ARL17B: variants seen among roughly 807,000 people sequenced by gnomAD.
ARL17B encodes ARF like GTPase 17B, also known as ADP-ribosylation factor-like protein 17.
intron 4 of ARL17B, among the ~76,000 whole-genome samples, chr17:46,288,288 T>G (rs542397741): frequency 6.7e-6 from 1 of 148,722 alleles, no homozygotes; most frequent in South Asian, 2.1e-4. Context: ...ACTACAGATG[T>G]GCACCACCAG....
At chr17:46,350,861 GA>G (rs1158051603) in intron 3 of ARL17B, among the ~76,000 whole-genome samples, 3 of 46,172 alleles carry the variant, frequency 6.5e-5, no homozygotes, top group East Asian at 3.1e-4. Context: ...AAAAAAAAAG[GA>G]AAAAAAAAGG....
intron 4 of ARL17B, among the ~76,000 whole-genome samples, chr17:46,281,538 TC>T: frequency 6.6e-6 from 1 of 152,338 alleles, no homozygotes. Context: ...CAAGTGATCT[TC>T]CTGTCATAGC....
chr17:46,297,771 CTG>C, downstream of ARL17B: 2 of 357,490 alleles, frequency 5.6e-6, no homozygotes, highest in Non-Finnish European at 8.9e-6. Context: ...CAATTGTCCT[CTG>C]TGTCCTGCCT....
downstream of ARL17B, among the ~76,000 whole-genome samples, chr17:46,332,878 G>A (rs1220798384): frequency 1.3e-5 from 2 of 151,188 alleles, no homozygotes; most frequent in African/African-American, 2.5e-5. Context: ...TTGAAACCAA[G>A]TGAATCCCAC....
Position 46,324,677 on chromosome 17 carries a change from GAT to G in ARL17B, c.260-25014_260-25013del, listed in dbSNP as rs1165300479. ...TTTGCAGGATATATATATAGATATA[GAT>G]ATATATATAAATCAGCCAGGTGTGG... On this transcript the variant is annotated intron_variant, in intron 3 of 4. Transcript: ENST00000434041. Among the ~76,000 whole-genome samples, 20 of 6,400 alleles carry G rather than the reference GAT, an allele frequency of 3.1e-3. 4 individuals are homozygous for G. Among genetic ancestry groups the G allele is most frequent in the East Asian group, 0.33 (2 of 6 alleles). The allele number at this position is 6,400 out of a possible 152,430, so 4.2% of individuals were successfully genotyped here.
At chr17:46,287,498 C>G (rs2696495) in intron 4 of ARL17B, among the ~76,000 whole-genome samples, 1 of 152,010 alleles carries the variant, frequency 6.6e-6, no homozygotes, top group Non-Finnish European at 1.5e-5. Context: ...AGAAGATAAA[C>G]GGTCAAAATA....
At chr17:46,286,824 G>C (rs1384685629) in intron 4 of ARL17B, among the ~76,000 whole-genome samples, 1 of 152,260 alleles carries the variant, frequency 6.6e-6, no homozygotes, top group Admixed American at 6.5e-5. Flanking sequence ...TGCAGATACA[G>C]TACAATTCCT....
At chr17:46,275,520 T>G (rs1183280747) in intron 4 of ARL17B, 23 of 582,878 alleles carry the variant, frequency 3.9e-5, no homozygotes, top group Non-Finnish European at 6.5e-5. Flanking sequence ...AGCAGCCATG[T>G]TCTTTCATTC....
At chr17:46,275,326 A>T in exon 5 of ARL17B, 1 of 841,248 alleles carries the variant, frequency 1.2e-6, no homozygotes, top group Admixed American at 2.5e-5. Context: ...TTAATTTAAA[A>T]TAGTTCAGGC....
intron 4 of ARL17B, among the ~76,000 whole-genome samples, chr17:46,286,860 A>G (rs2049934436): frequency 6.6e-6 from 1 of 152,244 alleles, no homozygotes; most frequent in African/African-American, 2.4e-5. Context: ...GTGCCCATTT[A>G]CAATCATTAC....
rs2052455481 is a variant in ARL17B, at chr17:46,339,789, GTGAAA to G, written c.260-20_260-16del. 5.5e-6 allele frequency: 1 copy of G among 183,054 alleles called. No individual in the cohort carries two copies. The highest frequency in any genetic ancestry group is 9.4e-5 in the African/African-American group (1 of 10,636). 11.3% of individuals were successfully genotyped at this position (183,054 alleles called of 1,614,324 possible). A position where few individuals can be genotyped will look rare whatever the true frequency, so the allele number is the denominator to read the frequency against. ...GCTTCTGGCACCTGCACAGAAAGGGGTGAAATGAGTGTCACGAGCAGCCACCACTC... is the reference window on the plus strand; with the variant it reads ...GCTTCTGGCACCTGCACAGAAAGGGGTGAGTGTCACGAGCAGCCACCACTC... On this transcript the variant is annotated splice_polypyrimidine_tract_variant and intron_variant, in intron 3 of 3. Transcript: ENST00000450673.
intron 4 of ARL17B, among the ~76,000 whole-genome samples, chr17:46,282,723 T>C (rs1393858390): frequency 2.0e-5 from 3 of 152,206 alleles, no homozygotes; most frequent in Non-Finnish European, 2.9e-5. Context: ...TGCCTGGCCT[T>C]TCACTTTTAT....
intron 3 of ARL17B, among the ~76,000 whole-genome samples, chr17:46,352,159 CGGGA>C (rs1335121279): frequency 1.4e-5 from 2 of 142,954 alleles, no homozygotes; most frequent in African/African-American, 2.7e-5. Flanking sequence ...CACTTGAACC[CGGGA>C]GGCGGAGGTT....
downstream of ARL17B, among the ~76,000 whole-genome samples, chr17:46,274,377 G>A (rs2696541): frequency 0.11 from 15,296 of 143,456 alleles, 1 homozygote; most frequent in Middle Eastern, 0.18. Context: ...ACCAGAGTCT[G>A]TAGTCCAGGA....
chr17:46,344,644 C>CAAAAAAAAA (rs2052635123), intron 3 of ARL17B, among the ~76,000 whole-genome samples: 1 of 69,250 alleles, frequency 1.4e-5, no homozygotes. Context: ...CACTGATTCC[C>CAAAAAAAAA]AAAAAATTAC....
intron 4 of ARL17B, among the ~76,000 whole-genome samples, chr17:46,278,166 G>A (rs62071626): frequency 0.11 from 17,107 of 149,680 alleles, no homozygotes; most frequent in Non-Finnish European, 0.17. Context: ...AGCTGGTCTC[G>A]AACTCCTGAC....
intron 4 of ARL17B, among the ~76,000 whole-genome samples, chr17:46,285,086 C>G (rs1382142217): frequency 3.3e-5 from 5 of 152,122 alleles, no homozygotes; most frequent in African/African-American, 1.2e-4. Flanking sequence ...CCAGATTGGT[C>G]TCTAACTAAT....
At chr17:46,276,789 TC>T (rs1391586585) in intron 4 of ARL17B, among the ~76,000 whole-genome samples, 2 of 150,118 alleles carry the variant, frequency 1.3e-5, no homozygotes, top group Non-Finnish European at 3.0e-5. Flanking sequence ...TTTCTTTTTT[TC>T]TTTTTTTTTT....
At chr17:46,283,378 T>C (rs2696513) in intron 4 of ARL17B, among the ~76,000 whole-genome samples, 19,812 of 151,942 alleles carry the variant, frequency 0.13, 2 homozygotes, top group Middle Eastern at 0.2. Flanking sequence ...AAGGAAAGGC[T>C]GGGCCATCTT....
Sources: gnomAD v4.1 joint callset for allele counts (sites outside exome capture counted in the v4.1 genomes callset) on GRCh38, gnomAD v4.1.1 for gene constraint, MANE v1.5 for transcripts, NCBI Gene and HGNC (gene_info 2026-07-23, HGNC 2026-07-21) for gene names.